DYM: variants seen among roughly 807,000 people sequenced by gnomAD.
DYM encodes dyggve-Melchior-Clausen syndrome protein.
In DYM, 78 loss-of-function variants were observed where a neutral mutation model predicts 93.1. The observed-to-expected ratio is 0.84, with a 90% CI of 0.70 to 1.01. DYM has a LOEUF of 1.01. DYM is among the 50% of genes least tolerant of loss of function. DYM has a pLI of 0.00. For missense variants in DYM, 789 were observed against 845.0 expected (o/e 0.93, Z 0.82); for synonymous variants, 321 against 319.7 (o/e 1.00, Z -0.04).
At chr18:49,158,546 G>A (rs1430139861) in intron 15 of DYM, among the ~76,000 whole-genome samples, 3 of 152,138 alleles carry the variant, frequency 2.0e-5, no homozygotes, top group Admixed American at 1.3e-4. Context: ...TTATATAAGT[G>A]TTAAATTACC....
chr18:49,434,576 T>C (rs2080649196), intron 1 of DYM, among the ~76,000 whole-genome samples: 1 of 152,070 alleles, frequency 6.6e-6, no homozygotes, highest in South Asian at 2.1e-4. Context: ...AAAAGGACTC[T>C]GGAGTGGGGA....
At chr18:49,263,384 G>T (rs1442456616) in intron 11 of DYM, among the ~76,000 whole-genome samples, 2 of 151,128 alleles carry the variant, frequency 1.3e-5, no homozygotes, top group African/African-American at 4.8e-5. Context: ...CTCCCAAAGT[G>T]CTGGGATTAC....
chr18:49,442,050 C>G (rs57748509), intron 1 of DYM, among the ~76,000 whole-genome samples: 109 of 152,180 alleles, frequency 7.2e-4, no homozygotes, highest in African/African-American at 2.6e-3. Flanking sequence ...TGAATAGGAA[C>G]CTAGGGAAAA....
intron 8 of DYM, among the ~76,000 whole-genome samples, chr18:49,327,183 T>C (rs2146719579): frequency 6.6e-6 from 1 of 152,268 alleles, no homozygotes; most frequent in South Asian, 2.1e-4. Flanking sequence ...GTGATATTTT[T>C]ATTTTGGGGA....
At chr18:49,410,615 G>A (rs2072129444) in intron 2 of DYM, among the ~76,000 whole-genome samples, 3 of 149,766 alleles carry the variant, frequency 2.0e-5, no homozygotes, top group Non-Finnish European at 4.4e-5. Flanking sequence ...TTGAGTTGAA[G>A]CCTGGACAAC....
intron 2 of DYM, among the ~76,000 whole-genome samples, chr18:49,426,755 ATGTGTGTG>A (rs59381977): frequency 0.052 from 7,669 of 147,712 alleles, 240 homozygotes; most frequent in South Asian, 0.075. Context: ...ACTGGAAAAC[ATGTGTGTG>A]TGTGTGTGTG....
intron 15 of DYM, among the ~76,000 whole-genome samples, chr18:49,123,310 T>C (rs1490038280): frequency 6.6e-6 from 1 of 152,180 alleles, no homozygotes; most frequent in East Asian, 1.9e-4. Flanking sequence ...CCAGGTCTCA[T>C]AATTGGTGCC....
At chr18:49,188,002 G>A (rs183095220) in intron 14 of DYM, among the ~76,000 whole-genome samples, 1 of 152,158 alleles carries the variant, frequency 6.6e-6, no homozygotes, top group Non-Finnish European at 1.5e-5. Context: ...TTTCATTCTT[G>A]AAGTTAAAAA....
intron 14 of DYM, among the ~76,000 whole-genome samples, chr18:49,199,749 C>A (rs565726400): frequency 5.3e-5 from 8 of 152,280 alleles, no homozygotes; most frequent in Middle Eastern, 6.8e-3. Context: ...ACCATTCCAG[C>A]AATTTTTAAA....
intron 13 of DYM, among the ~76,000 whole-genome samples, chr18:49,254,293 T>TAC (rs1177771194): frequency 3.8e-3 from 4 of 1,054 alleles, no homozygotes; most frequent in African/African-American, 0.025. Flanking sequence ...TATATATATA[T>TAC]ATATATATAT....
intron 15 of DYM, among the ~76,000 whole-genome samples, chr18:49,133,227 C>T (rs546804177): frequency 8.5e-5 from 13 of 152,156 alleles, no homozygotes; most frequent in Non-Finnish European, 1.8e-4. Flanking sequence ...TGTGAAGACT[C>T]TTTGTCCCTA....
chr18:49,244,201 T>C (rs1357341348), intron 13 of DYM, among the ~76,000 whole-genome samples: 1 of 152,158 alleles, frequency 6.6e-6, no homozygotes, highest in African/African-American at 2.4e-5. Flanking sequence ...GACTATCTCC[T>C]TGGGAGAACT....
At chr18:49,103,284 T>C (rs2145686174) in intron 16 of DYM, among the ~76,000 whole-genome samples, 1 of 152,330 alleles carries the variant, frequency 6.6e-6, no homozygotes, top group Non-Finnish European at 1.5e-5. Flanking sequence ...GTAAATTTGT[T>C]TGAGTTCATT....
chr18:49,256,061 G>T (rs2094388319), intron 13 of DYM, among the ~76,000 whole-genome samples: 1 of 146,124 alleles, frequency 6.8e-6, no homozygotes, highest in Non-Finnish European at 1.5e-5. Flanking sequence ...TCCATCCTGG[G>T]TGACAGAGCG....
At chr18:49,115,281 T>C (rs925949704) in intron 16 of DYM, among the ~76,000 whole-genome samples, 4 of 152,126 alleles carry the variant, frequency 2.6e-5, no homozygotes, top group African/African-American at 9.7e-5. Flanking sequence ...TGATGTGTAA[T>C]ATTGCAGCTA....
At chr18:49,407,216 T>C (rs1390718921) in intron 2 of DYM, among the ~76,000 whole-genome samples, 3 of 152,138 alleles carry the variant, frequency 2.0e-5, no homozygotes, top group African/African-American at 7.2e-5. Context: ...AGAGGATGGG[T>C]GTGGCTATAA....
chr18:49,292,359 C>CAG (rs1568187916), intron 8 of DYM, among the ~76,000 whole-genome samples: 9 of 57,586 alleles, frequency 1.6e-4, no homozygotes, highest in East Asian at 1.5e-3. Context: ...CAGACAGACA[C>CAG]ACACACACAC....
chr18:49,291,789 G>A (rs1373469920), intron 8 of DYM, among the ~76,000 whole-genome samples: 3 of 152,186 alleles, frequency 2.0e-5, no homozygotes, highest in Non-Finnish European at 4.4e-5. Context: ...CAATCCTCAT[G>A]ACATAGTTGA....
At chr18:49,400,472 C>T (rs2070688495) in intron 2 of DYM, among the ~76,000 whole-genome samples, 1 of 152,082 alleles carries the variant, frequency 6.6e-6, no homozygotes, top group Non-Finnish European at 1.5e-5. Context: ...ATCTTCAGAG[C>T]CCACATTATA....
Sources: allele counts gnomAD v4.1 joint callset (sites outside exome capture counted in the v4.1 genomes callset), GRCh38; gene constraint gnomAD v4.1.1; transcripts MANE v1.5; gene names NCBI Gene and HGNC (gene_info 2026-07-23, HGNC 2026-07-21).